The following PKP1 variants were observed in gnomAD, a reference collection of about 807,000 sequenced individuals.
PKP1 encodes the protein plakophilin-1.
PKP1 carries 27 observed loss-of-function variants against 76.4 expected under a neutral mutation model. The ratio of observed to expected loss-of-function variants is 0.35; its 90% confidence interval spans 0.26 to 0.49. The LOEUF is 0.49. PKP1 is among the 20% of genes least tolerant of loss of function. The pLI, the probability that PKP1 is intolerant of heterozygous loss-of-function variation, is 0.99. For missense variants in PKP1, 964 were observed against 955.2 expected, an observed-to-expected ratio of 1.01 and a Z score of -0.12; for synonymous variants, 404 against 384.2, an observed-to-expected ratio of 1.05 and a Z score of -0.60.
chr1:201,294,955 C>T (rs562544156), intron 2 of PKP1, among the ~76,000 whole-genome samples: 1 of 152,336 alleles, frequency 6.6e-6, no homozygotes, highest in Non-Finnish European at 1.5e-5. Context: ...CTCCTAGCCT[C>T]CAAATTCTAT....
intron 2 of PKP1, among the ~76,000 whole-genome samples, chr1:201,298,615 G>A (rs1656137574): frequency 6.6e-6 from 1 of 152,156 alleles, no homozygotes; most frequent in Admixed American, 6.5e-5. Context: ...CTGCCACATT[G>A]AATCACTCAG....
At chr1:201,305,288 C>A (rs1288291497) in intron 2 of PKP1, among the ~76,000 whole-genome samples, 1 of 152,166 alleles carries the variant, frequency 6.6e-6, no homozygotes, top group Non-Finnish European at 1.5e-5. Flanking sequence ...GAGGCTGAGG[C>A]AAGAGGATAA....
intron 2 of PKP1, among the ~76,000 whole-genome samples, chr1:201,297,987 T>A (rs1656122806): frequency 6.6e-6 from 1 of 152,260 alleles, no homozygotes; most frequent in African/African-American, 2.4e-5. Flanking sequence ...ATTTGCTGTT[T>A]ATGTAAAATT....
chr1:201,316,113 T>TGGACGGACGGACGGATGGAC (rs1342743399), intron 3 of PKP1: 3 of 120,004 alleles, frequency 2.5e-5, no homozygotes, highest in South Asian at 2.4e-4. Context: ...GACAGATGGA[T>TGGACGGACGGACGGATGGAC]GGACGGATGG....
chr1:201,321,813 G>A (rs1288348542), intron 7 of PKP1, among the ~76,000 whole-genome samples, 165 bp from the exon 8 acceptor site: 1 of 152,144 alleles, frequency 6.6e-6, no homozygotes, highest in Non-Finnish European at 1.5e-5. Context: ...GGTCCCAGAG[G>A]TGGCCCTGGA....
rs201629569 is a variant in PKP1 at position 201,316,571 on chromosome 1, C to T, written c.720C>T (p.Ile240=). 1.6e-4 allele frequency: 259 copies of T among 1,609,502 alleles called. No homozygotes were observed. In the East Asian group the frequency reaches 4.9e-3, roughly 30 times the overall value. The change falls in exon 4 of 14, where the codon ATC becomes ATT. Residue 240 remains isoleucine, a synonymous_variant. Transcript: ENST00000367324. ...TTCACAGGATCTGCAGTGAGGACAT[C>T]GAGTGCAGTGGGCTGACCATCCCCA... ...RASSKICSED[I]ECSGLTIPKA... is the part of the protein sequence containing the mutation.
Position 201,316,543 on chromosome 1 carries a change from T to G in PKP1, c.702-10T>G. 1 of 1,600,242 alleles carries G rather than the reference T, an allele frequency of 6.2e-7. No homozygotes were observed. The highest frequency in any genetic ancestry group is 8.5e-7 in the Non-Finnish European group (1 of 1,173,042). On this transcript the variant is annotated splice_polypyrimidine_tract_variant and intron_variant, in intron 3 of 13. Coordinates refer to ENST00000367324, the MANE Select transcript of PKP1 (RefSeq NM_001005337.3). The stretch of plus-strand genomic sequence containing the variant: ...ACCCCGTAACCACCCCCACTGCCTA[T>G]TCTTCACAGGATCTGCAGTGAGGAC...
chr1:201,322,687 T>C (rs1779290), intron 8 of PKP1, among the ~76,000 whole-genome samples: 144,195 of 152,224 alleles, frequency 0.95, 68,747 homozygotes, highest in East Asian at 1. Flanking sequence ...GATGGGAGAG[T>C]CCAAAGCAGC....
In PKP1 at chr1:201,323,082, T is replaced by G; in HGVS notation, c.1573T>G (p.Ser525Ala). The change falls in exon 9 of 14, where the codon TCA (serine) becomes GCA (alanine). Residue 525 changes from serine (S) to alanine (A), a missense_variant. Ser to Ala is a moderately conservative substitution (Grantham distance 99, BLOSUM62 1). Transcript: ENST00000367324. ...CAAGGGCAGCGGCTGGTTGTACCATTCAGATGCCATCCGCACCTACCTGAA... is the reference window on the plus strand; with the variant it reads ...CAAGGGCAGCGGCTGGTTGTACCATGCAGATGCCATCCGCACCTACCTGAA... ...NPKGSGWLYH[S>A]DAIRTYLNLM... 1 of 1,614,102 alleles carries G rather than the reference T, an allele frequency of 6.2e-7. No individual in the cohort carries two copies. Among genetic ancestry groups the G allele is most frequent in the Non-Finnish European group, 8.5e-7 (1 of 1,180,000 alleles).
intron 12 of PKP1, among the ~76,000 whole-genome samples, chr1:201,327,454 C>T (rs188398783): frequency 6.6e-6 from 1 of 152,212 alleles, no homozygotes; most frequent in Non-Finnish European, 1.5e-5. Context: ...CAATCCAGAG[C>T]TCCTTTCCAA....
At chr1:201,320,047 G>T (rs1628151) in intron 6 of PKP1, 2 of 744,606 alleles carry the variant, frequency 2.7e-6, no homozygotes, top group Admixed American at 2.0e-5. Context: ...CTTTCCTTCC[G>T]TTTTCATCTT....
At chr1:201,291,001 A>G (rs1655900357) in intron 1 of PKP1, among the ~76,000 whole-genome samples, 1 of 152,038 alleles carries the variant, frequency 6.6e-6, no homozygotes, top group Non-Finnish European at 1.5e-5. Context: ...CCAGTCAGAC[A>G]CCCCAGGGTC....
intron 3 of PKP1, among the ~76,000 whole-genome samples, chr1:201,314,081 A>G (rs1385835520): frequency 6.6e-6 from 1 of 152,246 alleles, no homozygotes; most frequent in Non-Finnish European, 1.5e-5. Context: ...GGTATGGACG[A>G]CGGGAATAGA....
intron 5 of PKP1, among the ~76,000 whole-genome samples, chr1:201,318,361 C>T (rs1300372946): frequency 2.0e-5 from 3 of 152,200 alleles, no homozygotes; most frequent in African/African-American, 7.2e-5. Context: ...GTTTTTTGAT[C>T]ACTTTCCACA....
At chr1:201,283,967 G>T in intron 1 of PKP1, 63 bp downstream of exon 1, 1 of 1,462,876 alleles carries the variant, frequency 6.8e-7, no homozygotes, top group Non-Finnish European at 9.5e-7. Context: ...CCCAGTGGCG[G>T]GGACCAAGAG....
At chr1:201,314,504 G>A (rs889051618) in intron 3 of PKP1, among the ~76,000 whole-genome samples, 1 of 152,160 alleles carries the variant, frequency 6.6e-6, no homozygotes, top group African/African-American at 2.4e-5. Context: ...AAAACCCTGA[G>A]GGACTTCATG....
At chr1:201,301,363 C>A (rs1656224035) in intron 2 of PKP1, among the ~76,000 whole-genome samples, 1 of 152,196 alleles carries the variant, frequency 6.6e-6, no homozygotes, top group African/African-American at 2.4e-5. Flanking sequence ...ACTCCACTCT[C>A]CCCAGAGACA....
intron 2 of PKP1, among the ~76,000 whole-genome samples, chr1:201,302,264 G>A (rs10920168): frequency 0.012 from 1,806 of 152,274 alleles, 36 homozygotes; most frequent in African/African-American, 0.041. Flanking sequence ...ACAGAAAAGT[G>A]TAGGGGCTTG....
At chr1:201,296,783 T>C (rs1656089724) in intron 2 of PKP1, among the ~76,000 whole-genome samples, 1 of 152,222 alleles carries the variant, frequency 6.6e-6, no homozygotes, top group African/African-American at 2.4e-5. Flanking sequence ...AGTTCAGAAC[T>C]GTCTTCAGCA....
Sources: gnomAD v4.1 joint callset for allele counts (sites outside exome capture counted in the v4.1 genomes callset) on GRCh38, gnomAD v4.1.1 for gene constraint, MANE v1.5 for transcripts, NCBI Gene and HGNC (gene_info 2026-07-23, HGNC 2026-07-21) for gene names.